The following GRIP1 variants were observed in gnomAD, a reference collection of about 807,000 sequenced individuals.
The protein encoded by GRIP1 is glutamate receptor interacting protein 1, also known as glutamate receptor-interacting protein 1.
In GRIP1, 45 loss-of-function variants were observed where a neutral mutation model predicts 129.9. That is an observed-to-expected ratio of 0.35 (90% CI 0.27 to 0.44). GRIP1 has a LOEUF of 0.44. Among genes scored for constraint, GRIP1 ranks in the 20% least tolerant of loss-of-function variants. The pLI is 1.00. For missense variants in GRIP1, 1,196 were observed against 1,396.8 expected (o/e 0.86, Z 2.29); for synonymous variants, 530 against 520.8 (o/e 1.02, Z -0.24).
At chr12:66,880,286 A>G in intron 1 of GRIP1, among the ~76,000 whole-genome samples, 1 of 152,170 alleles carries the variant, frequency 6.6e-6, no homozygotes, top group East Asian at 1.9e-4. Flanking sequence ...TGCTAAAAAA[A>G]GGGAGTTGGG....
intron 1 of GRIP1, among the ~76,000 whole-genome samples, chr12:66,707,599 C>A (rs953740397): frequency 2.0e-5 from 3 of 148,470 alleles, no homozygotes; most frequent in Non-Finnish European, 4.5e-5. Flanking sequence ...CTTCAAGTAA[C>A]ACTTCTTTTT....
At chr12:66,577,979 C>A (rs1019514886) in intron 2 of GRIP1, among the ~76,000 whole-genome samples, 6 of 152,082 alleles carry the variant, frequency 3.9e-5, no homozygotes. Flanking sequence ...ATCAACAAAA[C>A]AAATAAACAT....
chr12:66,572,187 C>T (rs1177192188), intron 2 of GRIP1, among the ~76,000 whole-genome samples: 1 of 152,166 alleles, frequency 6.6e-6, no homozygotes. Context: ...GTGAATCAAA[C>T]AGGTAAAAAC....
intron 1 of GRIP1, among the ~76,000 whole-genome samples, chr12:66,839,085 T>C (rs2039668653): frequency 6.6e-6 from 1 of 152,090 alleles, no homozygotes; most frequent in Non-Finnish European, 1.5e-5. Flanking sequence ...CGACTATAGC[T>C]ATGAAAAAAA....
chr12:66,897,725 G>A (rs760364860), intron 1 of GRIP1, among the ~76,000 whole-genome samples: 1 of 152,178 alleles, frequency 6.6e-6, no homozygotes, highest in Non-Finnish European at 1.5e-5. Flanking sequence ...CAGGCATACC[G>A]TGTTTAGACC....
At chr12:66,550,428 T>C (rs1383090867) in intron 2 of GRIP1, among the ~76,000 whole-genome samples, 1 of 152,244 alleles carries the variant, frequency 6.6e-6, no homozygotes, top group Non-Finnish European at 1.5e-5. Context: ...TTCTACTATA[T>C]TTTGATTGTT....
intron 1 of GRIP1, among the ~76,000 whole-genome samples, chr12:66,862,121 T>TA (rs1309965158): frequency 2.6e-5 from 4 of 152,088 alleles, no homozygotes; most frequent in Admixed American, 2.6e-4. Context: ...AGAACCAATA[T>TA]ATGTAACTAG....
At chr12:66,692,954 A>C (rs929682915) in intron 1 of GRIP1, among the ~76,000 whole-genome samples, 5 of 152,178 alleles carry the variant, frequency 3.3e-5, no homozygotes, top group African/African-American at 1.2e-4. Flanking sequence ...AACATATAAC[A>C]AATGCTGGAA....
intron 1 of GRIP1, among the ~76,000 whole-genome samples, chr12:66,931,772 C>T (rs2041399911): frequency 6.6e-6 from 1 of 152,092 alleles, no homozygotes; most frequent in Admixed American, 6.6e-5. Context: ...ACTCAAGATT[C>T]CGTGATTTTT....
At chr12:66,834,945 G>A (rs1162562403) in intron 1 of GRIP1, among the ~76,000 whole-genome samples, 1 of 144,506 alleles carries the variant, frequency 6.9e-6, no homozygotes, top group Admixed American at 6.9e-5. Flanking sequence ...AAGGGGGGGG[G>A]GCAGGAGTAG....
chr12:66,857,148 T>C lies in GRIP1; in HGVS notation c.58+211902A>G, dbSNP rs1181575705. The stretch of plus-strand genomic sequence containing the variant: ...ACAAAAAACCAAACACCGCATGTTC[T>C]CACTCATAGGTGGGAACTGAACAAT... On this transcript the variant is annotated intron_variant, in intron 1 of 1. Transcript: ENST00000643019. 1.8e-4 allele frequency among the ~76,000 whole-genome samples: 26 copies of C among 148,434 alleles called. No individual in the cohort carries two copies. The East Asian group carries it at 3.4e-3, about 20-fold the overall frequency.
chr12:66,675,649 T>C (rs139849582), intron 1 of GRIP1, among the ~76,000 whole-genome samples: 97 of 152,264 alleles, frequency 6.4e-4, no homozygotes, highest in African/African-American at 2.3e-3. Flanking sequence ...AAAACCCTTT[T>C]GTCAGATGTC....
At chr12:66,712,516 A>G (rs1291963160) in intron 1 of GRIP1, among the ~76,000 whole-genome samples, 1 of 151,936 alleles carries the variant, frequency 6.6e-6, no homozygotes, top group African/African-American at 2.4e-5. Context: ...ATTTTAGTGA[A>G]TCTCACACAC....
chr12:66,356,170 C>T (rs918343268), intron 23 of GRIP1, among the ~76,000 whole-genome samples: 6 of 152,182 alleles, frequency 3.9e-5, no homozygotes, highest in Admixed American at 2.6e-4. Context: ...ATGGGGGATG[C>T]TAGACTTCTT....
At chr12:66,387,408 G>A (rs1184375979) in intron 19 of GRIP1, among the ~76,000 whole-genome samples, 3 of 152,180 alleles carry the variant, frequency 2.0e-5, no homozygotes, top group African/African-American at 7.2e-5. Flanking sequence ...TACCATGCTG[G>A]AACTGGGGTG....
At chr12:66,620,165 C>T (rs2065206755) in intron 1 of GRIP1, among the ~76,000 whole-genome samples, 1 of 152,180 alleles carries the variant, frequency 6.6e-6, no homozygotes, top group South Asian at 2.1e-4. Context: ...GTGTGCTCCA[C>T]ACATCCTGAA....
At chr12:66,431,208 A>G (rs1270513174) in intron 14 of GRIP1, among the ~76,000 whole-genome samples, 1 of 152,164 alleles carries the variant, frequency 6.6e-6, no homozygotes, top group East Asian at 1.9e-4. Flanking sequence ...ATAGTGACAT[A>G]CCATCTTTGC....
In GRIP1 at chr12:66,383,607, C is replaced by T. The variant is rs571043845; in HGVS notation, c.2465-4171G>A. Among the ~76,000 whole-genome samples, 7 of 152,312 alleles carry T rather than the reference C, an allele frequency of 4.6e-5. 1 individual carries two copies. The South Asian group carries it at 1.5e-3, about 32-fold the overall frequency. ...CTGGACGCTTTCTCTCCCACTGCTG[C>T]TGTGCTGTGCGGTAAGCAAGCCTGG... is the stretch of plus-strand genomic sequence containing the variant. On this transcript the variant is annotated intron_variant, in intron 19 of 24. Coordinates refer to ENST00000359742, the MANE Select transcript of GRIP1 (RefSeq NM_001366722.1).
chr12:66,796,087 C>T (rs2038688281), intron 1 of GRIP1, among the ~76,000 whole-genome samples: 1 of 151,900 alleles, frequency 6.6e-6, no homozygotes, highest in South Asian at 2.1e-4. Flanking sequence ...AAATCACCAC[C>T]CCCACTTTAG....
Sources: gnomAD v4.1 joint callset for allele counts (sites outside exome capture counted in the v4.1 genomes callset) on GRCh38, gnomAD v4.1.1 for gene constraint, MANE v1.5 for transcripts, NCBI Gene and HGNC (gene_info 2026-07-23, HGNC 2026-07-21) for gene names.